The following ZFPM1 variants were observed in gnomAD, a reference collection of about 807,000 sequenced individuals.
The protein encoded by ZFPM1 is zinc finger protein ZFPM1.
In ZFPM1, 28 loss-of-function variants were observed where a neutral mutation model predicts 46.3. The observed-to-expected ratio is 0.60, with a 90% CI of 0.45 to 0.83. ZFPM1 has a LOEUF of 0.83. Among genes scored for constraint, ZFPM1 ranks in the 40% least tolerant of loss-of-function variants. The pLI is 0.00. For synonymous variants in ZFPM1, 957 were observed against 675.9 expected, an observed-to-expected ratio of 1.42 and a Z score of -6.45; for missense variants, 1,878 against 1,432.4, an observed-to-expected ratio of 1.31 and a Z score of -5.02.
At chr16:88,495,629 C>T (rs1024804927) in intron 3 of ZFPM1, among the ~76,000 whole-genome samples, 1 of 152,084 alleles carries the variant, frequency 6.6e-6, no homozygotes, top group Non-Finnish European at 1.5e-5. Flanking sequence ...AGGGCAGGAC[C>T]GTGCCAAGGG....
intron 1 of ZFPM1, among the ~76,000 whole-genome samples, chr16:88,466,963 G>A (rs914398495): frequency 9.2e-5 from 14 of 152,068 alleles, no homozygotes; most frequent in Admixed American, 5.2e-4. Flanking sequence ...ACCCCAAAAC[G>A]GCGGTGGTAT....
At chr16:88,526,092 G>A (rs1597281628) in intron 4 of ZFPM1, among the ~76,000 whole-genome samples, 1 of 152,198 alleles carries the variant, frequency 6.6e-6, no homozygotes, top group South Asian at 2.1e-4. Context: ...CACAGTGCTG[G>A]TGTCTCAGGC....
rs1265255454 is a variant in ZFPM1 at position 88,534,067 on chromosome 16, G to A, written c.2109G>A (p.Arg703=). 1.6e-6 allele frequency: 2 copies of A among 1,263,724 alleles called. No individual in the cohort carries two copies. Among genetic ancestry groups the A allele is most frequent in the Non-Finnish European group, 2.0e-6 (2 of 982,824 alleles). 78.3% of individuals were successfully genotyped at this position (1,263,724 alleles called of 1,614,324 possible). A position where few individuals can be genotyped will look rare whatever the true frequency, so the allele number is the denominator to read the frequency against. Residue 703 remains arginine, a synonymous_variant, in exon 10 of 10, where the codon CGG becomes CGA. Transcript: ENST00000319555. ...ACGAGACCTACACCGTGCACAAGCGGTACTACTGCGCCTCGCGCCACGACC... is the reference window on the plus strand; with the variant it reads ...ACGAGACCTACACCGTGCACAAGCGATACTACTGCGCCTCGCGCCACGACC... ...SRHETYTVHK[R]YYCASRHDPP... is the part of the protein sequence containing the mutation.
chr16:88,518,344 G>A (rs1426016867), intron 4 of ZFPM1, among the ~76,000 whole-genome samples: 2 of 151,696 alleles, frequency 1.3e-5, no homozygotes, highest in Non-Finnish European at 2.9e-5. Context: ...TGAGTGGGTG[G>A]GTGGATAGAT....
At chr16:88,463,500 G>T (rs1465421458) in intron 1 of ZFPM1, among the ~76,000 whole-genome samples, 1 of 152,250 alleles carries the variant, frequency 6.6e-6, no homozygotes, top group African/African-American at 2.4e-5. Flanking sequence ...CATTTACTAG[G>T]CCCCTGCCTC....
intron 6 of ZFPM1, among the ~76,000 whole-genome samples, chr16:88,530,142 C>T (rs1912672456): frequency 6.6e-6 from 1 of 152,236 alleles, no homozygotes; most frequent in African/African-American, 2.4e-5. Flanking sequence ...GAGGGGGTGC[C>T]CCCGTAGTGT....
intron 3 of ZFPM1, among the ~76,000 whole-genome samples, chr16:88,495,571 G>A (rs893229315): frequency 9.9e-5 from 15 of 152,240 alleles, no homozygotes; most frequent in African/African-American, 9.6e-5. Context: ...GGGAGGCAGC[G>A]TGGTGCAGGC....
At chr16:88,454,958 A>G (rs1197419735) in intron 1 of ZFPM1, among the ~76,000 whole-genome samples, 1 of 152,188 alleles carries the variant, frequency 6.6e-6, no homozygotes. Flanking sequence ...CGGGGGTCAC[A>G]GGCATGAACC....
chr16:88,467,306 A>T (rs1235471344), intron 1 of ZFPM1, among the ~76,000 whole-genome samples: 1 of 152,102 alleles, frequency 6.6e-6, no homozygotes, highest in Non-Finnish European at 1.5e-5. Flanking sequence ...GTTCTCACAC[A>T]CATCCCAGAG....
intron 1 of ZFPM1, among the ~76,000 whole-genome samples, chr16:88,482,310 G>A (rs1039448030): frequency 2.6e-5 from 4 of 152,102 alleles, no homozygotes; most frequent in East Asian, 1.9e-4. Flanking sequence ...TTAGGGGCTC[G>A]GTGGGGACCA....
intron 3 of ZFPM1, among the ~76,000 whole-genome samples, chr16:88,505,419 C>G (rs1410302370): frequency 6.6e-6 from 1 of 152,192 alleles, no homozygotes; most frequent in African/African-American, 2.4e-5. Context: ...GCCTTGGGGA[C>G]ACAGCCGTTC....
At position 88,485,929 on chromosome 16, in the gene ZFPM1, G is replaced by C. The variant is rs556066429; in HGVS notation, c.41-10G>C. Reference sequence around the variant, plus strand: ...GCTCCTCCCGAACCCCCATCGTCTTGTGTCCACAGGTTCCCTCGGAGACAT... The same window carrying C: ...GCTCCTCCCGAACCCCCATCGTCTTCTGTCCACAGGTTCCCTCGGAGACAT... On this transcript the variant is annotated splice_polypyrimidine_tract_variant and intron_variant, in intron 1 of 9. Coordinates refer to ENST00000319555, the MANE Select transcript of ZFPM1 (RefSeq NM_153813.3). 20 of 1,612,496 alleles carry C rather than the reference G, an allele frequency of 1.2e-5. No individual in the cohort carries two copies. In the South Asian group the frequency reaches 2.0e-4, roughly 16 times the overall value.
In ZFPM1 at chr16:88,497,396, G is replaced by A. The variant is rs1017315649; in HGVS notation, c.268+8243G>A. Among the ~76,000 whole-genome samples, 3 of 151,168 alleles carry A rather than the reference G, an allele frequency of 2.0e-5. No individual in the cohort carries two copies. Among genetic ancestry groups the A allele is most frequent in the Non-Finnish European group, 2.9e-5 (2 of 67,846 alleles). ...GTGGCTGGAACATCAGGGCCCGGGC[G>A]GGGATGGGGTTCAGAGGGGTCAGGG... On this transcript the variant is annotated intron_variant, in intron 3 of 9. Coordinates refer to ENST00000319555, the MANE Select transcript of ZFPM1 (RefSeq NM_153813.3). The surrounding 1 kb of genome is among the most constrained non-coding windows in gnomAD (Gnocchi z 5.4).
At chr16:88,504,713 A>G (rs1910556214) in intron 3 of ZFPM1, among the ~76,000 whole-genome samples, 1 of 152,156 alleles carries the variant, frequency 6.6e-6, no homozygotes, top group Non-Finnish European at 1.5e-5. Flanking sequence ...GGGCCAAGGT[A>G]GTGGTGTCTG....
Position 88,535,110 on chromosome 16 carries a change from G to T in ZFPM1, c.*131G>T. ...CAGGCCTCGGCGGAGGGGGCCGCAGGGGGCAGCGCCCGCCTGGACCCTTGG... is the reference window on the plus strand; with the variant it reads ...CAGGCCTCGGCGGAGGGGGCCGCAGTGGGCAGCGCCCGCCTGGACCCTTGG... On this transcript the variant is annotated 3_prime_UTR_variant, in exon 10 of 10. Transcript: ENST00000319555. 2.6e-6 allele frequency: 3 copies of T among 1,169,586 alleles called. No individual in the cohort carries two copies. Among genetic ancestry groups the T allele is most frequent in the Non-Finnish European group, 3.3e-6 (3 of 904,350 alleles). The allele number at this position is 1,169,586 out of a possible 1,614,324, so 72.5% of individuals were successfully genotyped here.
At chr16:88,524,738 C>A (rs1288651148) in intron 4 of ZFPM1, among the ~76,000 whole-genome samples, 1 of 152,188 alleles carries the variant, frequency 6.6e-6, no homozygotes, top group Non-Finnish European at 1.5e-5. Context: ...GACTGACCCC[C>A]CTGAGACTGC....
chr16:88,479,312 C>T (rs780080292), intron 1 of ZFPM1, among the ~76,000 whole-genome samples: 22 of 152,072 alleles, frequency 1.4e-4, no homozygotes, highest in Non-Finnish European at 2.2e-4. Flanking sequence ...GCGAGATTCA[C>T]GGGATGAGAG....
In ZFPM1 at chr16:88,533,343, T is replaced by C. The variant is rs1912960010; in HGVS notation, c.1385T>C (p.Ile462Thr). 6.5e-7 allele frequency: 1 copy of C among 1,531,448 alleles called. No individual in the cohort carries two copies. The highest frequency in any genetic ancestry group is 8.7e-7 in the Non-Finnish European group (1 of 1,143,018). The allele number at this position is 1,531,448 out of a possible 1,614,324, so 94.9% of individuals were successfully genotyped here. Reference sequence around the variant, plus strand: ...GAGCCCCCGGCGGCCCCCAGGAGCATCAAGGTGGAGGCGGTGGAGGAGCCG... The same window carrying C: ...GAGCCCCCGGCGGCCCCCAGGAGCACCAAGGTGGAGGCGGTGGAGGAGCCG... The part of the protein sequence containing the change: ...SSEPPAAPRS[I>T]KVEAVEEPEA... The change falls in exon 10 of 10, where the codon ATC (isoleucine) becomes ACC (threonine). Residue 462 changes from isoleucine to threonine, a missense_variant. Transcript: ENST00000319555.
chr16:88,499,229 A>G (rs975091355), intron 3 of ZFPM1, among the ~76,000 whole-genome samples: 8 of 152,042 alleles, frequency 5.3e-5, no homozygotes, highest in African/African-American at 1.9e-4. Context: ...CCACCCCGGG[A>G]AAGTCACCTG....
Sources: allele counts gnomAD v4.1 joint callset (sites outside exome capture counted in the v4.1 genomes callset), GRCh38; gene constraint gnomAD v4.1.1; non-coding constraint Gnocchi (gnomAD v3.1); transcripts MANE v1.5; gene names NCBI Gene and HGNC (gene_info 2026-07-23, HGNC 2026-07-21).